TNRC6A: variants seen among roughly 807,000 people sequenced by gnomAD.
TNRC6A encodes the protein trinucleotide repeat-containing gene 6A protein.
Under a neutral mutation model 221.2 loss-of-function variants are expected in TNRC6A, and 44 were observed. That is an observed-to-expected ratio of 0.20 (90% CI 0.16 to 0.26). The LOEUF is 0.26. Ranked by LOEUF, TNRC6A falls within the 10% of genes least tolerant of loss-of-function variation. The pLI is 1.00. For missense variants in TNRC6A, 2,199 were observed against 2,404.4 expected, an observed-to-expected ratio of 0.91 and a Z score of 1.79; for synonymous variants, 847 against 838.5, an observed-to-expected ratio of 1.01 and a Z score of -0.18.
intron 2 of TNRC6A, among the ~76,000 whole-genome samples, chr16:24,723,982 C>T (rs2056453651): frequency 6.6e-6 from 1 of 152,208 alleles, no homozygotes; most frequent in African/African-American, 2.4e-5. Flanking sequence ...GTGTAGACCT[C>T]TTCCAAACAT....
At chr16:24,614,559 T>C (rs1900242837) in intron 1 of TNRC6A, among the ~76,000 whole-genome samples, 2 of 152,184 alleles carry the variant, frequency 1.3e-5, no homozygotes, top group Admixed American at 1.3e-4. Context: ...GTTTTGGATA[T>C]GGATTAGAAG....
chr16:24,704,332 C>A (rs9302427), intron 2 of TNRC6A, among the ~76,000 whole-genome samples: 76,175 of 151,728 alleles, frequency 0.5, 20,694 homozygotes, highest in East Asian at 0.86. Context: ...TTTTAACATA[C>A]ATTGTGACAT....
At chr16:24,769,836 ATTG>A (rs1459266247) in intron 4 of TNRC6A, among the ~76,000 whole-genome samples, 9 of 152,124 alleles carry the variant, frequency 5.9e-5, no homozygotes, top group Non-Finnish European at 2.9e-5. Flanking sequence ...AATCCTCAGT[ATTG>A]TTCTATCTTG....
At chr16:24,710,059 C>T (rs2056175291) in intron 2 of TNRC6A, among the ~76,000 whole-genome samples, 1 of 151,614 alleles carries the variant, frequency 6.6e-6, no homozygotes, top group Non-Finnish European at 1.5e-5. Context: ...AAAACCGTCT[C>T]TACTCAAAAT....
In TNRC6A at chr16:24,729,767, C is replaced by T. The variant is rs2056576191; in HGVS notation, c.-75C>T. Reference sequence around the variant, plus strand: ...GCTGGTGCAGCGGCTCGGGCCTCTCCCCGCGGCGCTGCGGAGGGCTTGAGG... The same window carrying T: ...GCTGGTGCAGCGGCTCGGGCCTCTCTCCGCGGCGCTGCGGAGGGCTTGAGG... On this transcript the variant is annotated 5_prime_UTR_variant, in exon 1 of 25. Coordinates refer to ENST00000395799, the MANE Select transcript of TNRC6A (RefSeq NM_014494.4). 2.9e-6 allele frequency: 4 copies of T among 1,368,652 alleles called. No homozygotes were observed. The highest frequency in any genetic ancestry group is 1.7e-5 in the South Asian group (1 of 57,418). The allele number at this position is 1,368,652 out of a possible 1,614,324, so 84.8% of individuals were successfully genotyped here.
At chr16:24,765,521 G>A (rs550175930) in intron 4 of TNRC6A, among the ~76,000 whole-genome samples, 42 of 152,228 alleles carry the variant, frequency 2.8e-4, no homozygotes, top group Non-Finnish European at 5.0e-4. Flanking sequence ...TTGTAGGGTG[G>A]TATTAAGTAA....
rs2055877427 is a variant in TNRC6A, at chr16:24,696,945, C to CA, written n.403-53780dup. On this transcript the variant is annotated intron_variant and non_coding_transcript_variant, in intron 2 of 2. Transcript: ENST00000566108. Reference sequence around the variant, plus strand: ...TTTGTGGCCAAGAATATCACAGAGACACGAGAACTGATAGCATTAAAATGC... The same window carrying CA: ...TTTGTGGCCAAGAATATCACAGAGACAACGAGAACTGATAGCATTAAAATGC... 2.0e-5 allele frequency among the ~76,000 whole-genome samples: 3 copies of CA among 152,028 alleles called. No individual in the cohort carries two copies. In the South Asian group the frequency reaches 6.2e-4, roughly 32 times the overall value.
chr16:24,740,529 T>A (rs1336396046), intron 2 of TNRC6A, among the ~76,000 whole-genome samples: 1 of 152,256 alleles, frequency 6.6e-6, no homozygotes, highest in African/African-American at 2.4e-5. Flanking sequence ...TTTGTGGAAT[T>A]TATTCCTAAA....
At chr16:24,659,916 C>T (rs1457458634) in intron 2 of TNRC6A, among the ~76,000 whole-genome samples, 2 of 152,028 alleles carry the variant, frequency 1.3e-5, no homozygotes, top group African/African-American at 2.4e-5. Context: ...ACTACAAAGT[C>T]GGCCTTATTA....
chr16:24,651,798 G>A (rs1335192850), intron 2 of TNRC6A, among the ~76,000 whole-genome samples: 2 of 151,352 alleles, frequency 1.3e-5, no homozygotes, highest in African/African-American at 4.8e-5. Context: ...AGGTGGGGAG[G>A]AAAAAAGAAA....
chr16:24,778,547 C>G (rs1446704015), intron 5 of TNRC6A: 3 of 957,086 alleles, frequency 3.1e-6, no homozygotes, highest in Non-Finnish European at 3.7e-6. Flanking sequence ...TATTTACTTG[C>G]TAATTTCCCA....
At chr16:24,783,060 A>G (rs890328309) in intron 5 of TNRC6A, among the ~76,000 whole-genome samples, 22 of 152,210 alleles carry the variant, frequency 1.4e-4, no homozygotes, top group African/African-American at 4.6e-4. Context: ...TGTTTGTTAG[A>G]TGCTGTATAT....
rs186949676 is a variant in TNRC6A at position 24,620,197 on chromosome 16, A to T, written n.276+9713A>T. 3.9e-5 allele frequency among the ~76,000 whole-genome samples: 6 copies of T among 152,244 alleles called. No individual in the cohort carries two copies. The East Asian group carries it at 1.2e-3, about 29-fold the overall frequency. On this transcript the variant is annotated intron_variant and non_coding_transcript_variant, in intron 1 of 2. Coordinates refer to the TNRC6A transcript ENST00000566108. ...TCATCAGATCCCTGCTTGTCCTTGA[A>T]TTATCATACTAGCTTCGTGGCATTG...
At position 24,649,729 on chromosome 16, in the gene TNRC6A, T is replaced by G. The variant is rs141512427; in HGVS notation, n.402+8720T>G. ...ATGTTGTACAATACATCTCTTGAAC[T>G]TATTCCTCCAGTCTAACTGAATTTT... On this transcript the variant is annotated intron_variant and non_coding_transcript_variant, in intron 2 of 2. Coordinates refer to the TNRC6A transcript ENST00000566108. Among the ~76,000 whole-genome samples, 30 of 151,992 alleles carry G rather than the reference T, an allele frequency of 2.0e-4. No homozygotes were observed. The East Asian group carries it at 4.8e-3, about 24-fold the overall frequency.
chr16:24,631,589 C>T (rs974875234), intron 1 of TNRC6A, among the ~76,000 whole-genome samples: 19 of 152,042 alleles, frequency 1.2e-4, no homozygotes, highest in African/African-American at 2.7e-4. Flanking sequence ...CTGGCCAACA[C>T]GGCAAAACTG....
At chr16:24,685,757 C>T (rs749784471) in intron 2 of TNRC6A, among the ~76,000 whole-genome samples, 4 of 152,120 alleles carry the variant, frequency 2.6e-5, no homozygotes, top group Non-Finnish European at 5.9e-5. Flanking sequence ...CTCTGTGCCT[C>T]GGTTTGCTCA....
intron 2 of TNRC6A, among the ~76,000 whole-genome samples, chr16:24,669,496 A>G (rs1047645422): frequency 5.9e-5 from 9 of 152,024 alleles, no homozygotes; most frequent in Non-Finnish European, 1.2e-4. Context: ...TCAAAAAAAA[A>G]AAAATCCTAT....
At chr16:24,770,022 T>C (rs1004297227) in intron 4 of TNRC6A, among the ~76,000 whole-genome samples, 2 of 152,200 alleles carry the variant, frequency 1.3e-5, no homozygotes, top group Non-Finnish European at 2.9e-5. Context: ...AAGAGTTTCA[T>C]CAGAATAGAG....
At chr16:24,644,878 A>G (rs1020414392) in intron 2 of TNRC6A, among the ~76,000 whole-genome samples, 5 of 152,270 alleles carry the variant, frequency 3.3e-5, no homozygotes, top group Non-Finnish European at 5.9e-5. Flanking sequence ...TATTGAACCT[A>G]ACATTTCTAA....
Sources: gnomAD v4.1 joint callset for allele counts (sites outside exome capture counted in the v4.1 genomes callset) on GRCh38, gnomAD v4.1.1 for gene constraint, MANE v1.5 for transcripts, NCBI Gene and HGNC (gene_info 2026-07-23, HGNC 2026-07-21) for gene names.